Variants in RYR2 observed in about 807,000 individuals in gnomAD.
The protein encoded by RYR2 is ryanodine receptor 2, also known as cardiac muscle ryanodine receptor-calcium release channel.
In RYR2, 227 loss-of-function variants were observed where a neutral mutation model predicts 601.1. The ratio of observed to expected loss-of-function variants is 0.38; its 90% CI spans 0.34 to 0.42. RYR2 has a LOEUF of 0.42. Among genes scored for constraint, RYR2 ranks in the 10% least tolerant of loss-of-function variants. The pLI is 1.00. For missense variants in RYR2, 4,646 were observed against 6,156.5 expected (o/e 0.75, Z 8.21); for synonymous variants, 2,223 against 2,175.1 (o/e 1.02, Z -0.61).
rs1343112928 is a variant in RYR2 at position 237,377,448 on chromosome 1, A to G, written c.576+13A>G. The G allele has an allele frequency of 6.3e-7, 1 of 1,585,476 alleles. No homozygotes were observed. Among genetic ancestry groups the G allele is most frequent in the African/African-American group, 1.3e-5 (1 of 74,326 alleles). On this transcript the variant is annotated intron_variant, in intron 8 of 104. Transcript: ENST00000366574. ...TGAAAGGTACTTGGTAAGTGTGGAA[A>G]GTAGGATCATGTATCTGCTGATATG...
intron 1 of RYR2, among the ~76,000 whole-genome samples, chr1:237,151,091 G>A (rs1030917010): frequency 6.6e-6 from 1 of 152,078 alleles, no homozygotes; most frequent in African/African-American, 2.4e-5. Context: ...TTTAGATCTA[G>A]GAATCATGGT....
intron 102 of RYR2, among the ~76,000 whole-genome samples, chr1:237,829,660 G>A (rs888358424): frequency 2.0e-5 from 3 of 152,158 alleles, no homozygotes; most frequent in Non-Finnish European, 4.4e-5. Flanking sequence ...GTCAGCAGTT[G>A]TTGATCAGTA....
Position 237,496,757 on chromosome 1 carries a change from G to T in RYR2, c.2203+5G>T, listed in dbSNP as rs766288440. ...ATGGCCTTCATCTCTGGTCAGGTACGTACTATCCATTTTCTTTCACCGTGT... is the reference window on the plus strand; with the variant it reads ...ATGGCCTTCATCTCTGGTCAGGTACTTACTATCCATTTTCTTTCACCGTGT... On this transcript the variant is annotated splice_donor_5th_base_variant and intron_variant, in intron 20 of 104. Coordinates refer to ENST00000366574, the MANE Select transcript of RYR2 (RefSeq NM_001035.3). 4 of 1,602,066 alleles carry T rather than the reference G, an allele frequency of 2.5e-6. No homozygotes were observed. Among genetic ancestry groups the T allele is most frequent in the East Asian group, 2.2e-5 (1 of 44,646 alleles).
In RYR2 at chr1:237,374,812, G is replaced by A. The variant is rs1175673217; in HGVS notation, c.463+17G>A. On this transcript the variant is annotated intron_variant, in intron 7 of 104. Coordinates refer to ENST00000366574, the MANE Select transcript of RYR2 (RefSeq NM_001035.3). ...ACACCACAGGTAAGCATCTTGTGCTGCGGGAAGCCAGGTTCAGAGAGAACC... is the reference window on the plus strand; with the variant it reads ...ACACCACAGGTAAGCATCTTGTGCTACGGGAAGCCAGGTTCAGAGAGAACC... The A allele has an allele frequency of 6.2e-7, 1 of 1,603,968 alleles. No homozygotes were observed. The highest frequency in any genetic ancestry group is 8.5e-7 in the Non-Finnish European group (1 of 1,173,986).
chr1:237,422,597 A>C (rs1334564273), intron 11 of RYR2, among the ~76,000 whole-genome samples: 2 of 152,230 alleles, frequency 1.3e-5, no homozygotes, highest in African/African-American at 4.8e-5. Context: ...GTCTAACTAT[A>C]GACTTCAGTT....
intron 1 of RYR2, among the ~76,000 whole-genome samples, chr1:237,135,492 C>T (rs946657803): frequency 4.9e-4 from 74 of 151,776 alleles, no homozygotes; most frequent in African/African-American, 1.7e-3. Context: ...GCCTCAGCCT[C>T]CTGAGTAGCT....
intron 11 of RYR2, among the ~76,000 whole-genome samples, chr1:237,418,357 T>C (rs1319515786): frequency 2.0e-5 from 3 of 152,144 alleles, no homozygotes; most frequent in East Asian, 3.9e-4. Context: ...TAACTACCTT[T>C]ATAGACATTT....
intron 74 of RYR2, among the ~76,000 whole-genome samples, chr1:237,724,410 C>G (rs1489256021): frequency 6.6e-6 from 1 of 151,530 alleles, no homozygotes; most frequent in Non-Finnish European, 1.5e-5. Context: ...AATGTAGTAT[C>G]CTTTTAACTT....
intron 62 of RYR2, 25 bp downstream of exon 62, chr1:237,680,602 T>C: frequency 1.3e-6 from 2 of 1,572,708 alleles, no homozygotes; most frequent in Non-Finnish European, 1.7e-6. Context: ...AAATAAGCAC[T>C]GTTGTATGAC....
At chr1:237,785,212 C>G (rs1215253449) in intron 90 of RYR2, among the ~76,000 whole-genome samples, 1 of 152,168 alleles carries the variant, frequency 6.6e-6, no homozygotes, top group African/African-American at 2.4e-5. Flanking sequence ...TAGCCTACAT[C>G]TTTCTCCACG....
At position 237,785,949 on chromosome 1, in the gene RYR2, TC is replaced by T; in HGVS notation, c.13261-16del. On this transcript the variant is annotated intron_variant, in intron 90 of 104. Transcript: ENST00000366574. Reference sequence around the variant, plus strand: ...GTGATGGGTAATCCTGGTTTTCTTTTCCCCATTGACTCATTCAAGGAACAGA... The same window carrying T: ...GTGATGGGTAATCCTGGTTTTCTTTTCCCATTGACTCATTCAAGGAACAGA... 1 of 1,561,184 alleles carries T rather than the reference TC, an allele frequency of 6.4e-7. No individual in the cohort carries two copies. The highest frequency in any genetic ancestry group is 8.8e-7 in the Non-Finnish European group (1 of 1,142,102).
At chr1:237,193,676 C>T (rs1436573698) in intron 1 of RYR2, among the ~76,000 whole-genome samples, 1 of 152,054 alleles carries the variant, frequency 6.6e-6, no homozygotes, top group Admixed American at 6.6e-5. Flanking sequence ...ATTTGGATTT[C>T]TTTTTTATGT....
At chr1:237,531,165 A>T (rs1668103221) in intron 25 of RYR2, among the ~76,000 whole-genome samples, 1 of 152,178 alleles carries the variant, frequency 6.6e-6, no homozygotes, top group Non-Finnish European at 1.5e-5. Flanking sequence ...AATTTTATTT[A>T]CTTTTACAAT....
intron 2 of RYR2, among the ~76,000 whole-genome samples, chr1:237,288,839 C>G (rs928704615): frequency 4.6e-5 from 7 of 152,084 alleles, no homozygotes; most frequent in Non-Finnish European, 1.0e-4. Context: ...GGCCTCTCAC[C>G]CCATTCAAAT....
At chr1:237,202,857 A>T (rs1681350996) in intron 1 of RYR2, among the ~76,000 whole-genome samples, 1 of 152,158 alleles carries the variant, frequency 6.6e-6, no homozygotes, top group Non-Finnish European at 1.5e-5. Flanking sequence ...AGGGATGGAA[A>T]GGAGGGAAAG....
At chr1:237,341,897 C>T (rs1309009840) in intron 3 of RYR2, among the ~76,000 whole-genome samples, 1 of 152,174 alleles carries the variant, frequency 6.6e-6, no homozygotes, top group Non-Finnish European at 1.5e-5. Flanking sequence ...CCTCATTTGC[C>T]TGACACAGTC....
chr1:237,391,164 C>T (rs1364320897), intron 10 of RYR2, among the ~76,000 whole-genome samples: 1 of 152,082 alleles, frequency 6.6e-6, no homozygotes, highest in Non-Finnish European at 1.5e-5. Context: ...TTTTCAACCT[C>T]CCTCTGTTAT....
intron 1 of RYR2, among the ~76,000 whole-genome samples, chr1:237,141,301 T>A (rs1245041399): frequency 1.3e-5 from 2 of 152,236 alleles, no homozygotes; most frequent in East Asian, 3.8e-4. Context: ...TTTGGTAGAA[T>A]CTCTTTGTTG....
At chr1:237,681,630 G>A (rs1372507797) in intron 62 of RYR2, among the ~76,000 whole-genome samples, 5 of 152,234 alleles carry the variant, frequency 3.3e-5, no homozygotes, top group Admixed American at 6.5e-5. Context: ...CCATCCCAGC[G>A]GCGTGCTTTG....
Sources: allele counts gnomAD v4.1 joint callset (sites outside exome capture counted in the v4.1 genomes callset), GRCh38; gene constraint gnomAD v4.1.1; transcripts MANE v1.5; gene names NCBI Gene and HGNC (gene_info 2026-07-23, HGNC 2026-07-21).